DGKB: variants seen among roughly 807,000 people sequenced by gnomAD.
DGKB encodes 90 kDa diacylglycerol kinase.
Under a neutral mutation model 114.3 loss-of-function variants are expected in DGKB, and 67 were observed. That is an observed-to-expected ratio of 0.59 (90% CI 0.48 to 0.72). The LOEUF (loss-of-function observed/expected upper bound fraction) is 0.72, where lower values mean the gene tolerates loss of function less well. Ranked by LOEUF, DGKB falls within the 30% of genes least tolerant of loss-of-function variation. The pLI, the probability that DGKB is intolerant of heterozygous loss-of-function variation, is 0.00. For missense variants in DGKB, 907 were observed against 975.2 expected (o/e 0.93, Z 0.93); for synonymous variants, 398 against 323.1 (o/e 1.23, Z -2.49).
rs1043175879 is a variant in DGKB, at chr7:14,753,951, G to A, written c.148-3C>T. 3 of 1,514,084 alleles carry A rather than the reference G, an allele frequency of 2.0e-6. No individual in the cohort carries two copies. The highest frequency in any genetic ancestry group is 1.9e-5 in the Admixed American group (1 of 53,634). The allele number at this position is 1,514,084 out of a possible 1,614,324, so 93.8% of individuals were successfully genotyped here. Reference sequence around the variant, plus strand: ...ACTTGGTTAAGAATGTCTTGTTTCTGTGCATGCAAGGAAAGAAAGAATACA... The same window carrying A: ...ACTTGGTTAAGAATGTCTTGTTTCTATGCATGCAAGGAAAGAAAGAATACA... On this transcript the variant is annotated splice_polypyrimidine_tract_variant and splice_region_variant and intron_variant, in intron 3 of 25. Coordinates refer to ENST00000402815, the MANE Select transcript of DGKB (RefSeq NM_001350709.2).
chr7:14,401,952 A>C (rs1056343758), intron 21 of DGKB, among the ~76,000 whole-genome samples: 1 of 149,128 alleles, frequency 6.7e-6, no homozygotes, highest in Non-Finnish European at 1.5e-5. Context: ...AAAATAAAAC[A>C]CAATAATTTG....
chr7:14,234,143 G>C (rs528550021), intron 23 of DGKB, among the ~76,000 whole-genome samples: 1 of 152,082 alleles, frequency 6.6e-6, no homozygotes, highest in Non-Finnish European at 1.5e-5. Context: ...GAAAAAGTAA[G>C]GAACCTTGTG....
chr7:14,373,045 G>A (rs1030452633), intron 21 of DGKB, among the ~76,000 whole-genome samples: 1 of 152,166 alleles, frequency 6.6e-6, no homozygotes, highest in Non-Finnish European at 1.5e-5. Context: ...GTAATTTCAA[G>A]TCTGGAATAG....
chr7:14,312,278 T>C (rs1354401952), intron 23 of DGKB, among the ~76,000 whole-genome samples: 1 of 152,186 alleles, frequency 6.6e-6, no homozygotes, highest in Non-Finnish European at 1.5e-5. Context: ...GTTCTGCAAA[T>C]GTGGTCTTTG....
intron 2 of DGKB, 112 bp downstream of exon 2, chr7:14,841,082 A>G (rs1021526222): frequency 1.1e-6 from 1 of 919,702 alleles, no homozygotes. Flanking sequence ...CAAAAGGCAG[A>G]GCTGGATCTA....
At chr7:14,537,828 C>T (rs561273467) in intron 20 of DGKB, among the ~76,000 whole-genome samples, 1 of 152,172 alleles carries the variant, frequency 6.6e-6, no homozygotes, top group African/African-American at 2.4e-5. Context: ...CGCCTGTAAT[C>T]CCAGCACTTT....
chr7:14,777,371 T>A (rs1838356785), intron 2 of DGKB, among the ~76,000 whole-genome samples: 1 of 152,130 alleles, frequency 6.6e-6, no homozygotes, highest in Admixed American at 6.6e-5. Flanking sequence ...GGGGGCAGAA[T>A]GACATGGTTT....
chr7:14,933,880 G>C (rs185662105), intron 1 of DGKB, among the ~76,000 whole-genome samples: 1 of 151,886 alleles, frequency 6.6e-6, no homozygotes, highest in African/African-American at 2.4e-5. Flanking sequence ...ACAAAAAATT[G>C]CTTTTTTTTA....
chr7:14,780,882 C>CT (rs1190726064), intron 2 of DGKB, among the ~76,000 whole-genome samples: 1 of 152,088 alleles, frequency 6.6e-6, no homozygotes, highest in South Asian at 2.1e-4. Flanking sequence ...ACTTACTTGC[C>CT]TTTTTTTATG....
chr7:14,507,346 G>A (rs570180362), intron 20 of DGKB, among the ~76,000 whole-genome samples: 123 of 152,182 alleles, frequency 8.1e-4, no homozygotes, highest in African/African-American at 2.9e-3. Context: ...AGGGCATATT[G>A]CCAGTTTTAA....
At chr7:14,591,370 A>T (rs868008762) in intron 17 of DGKB, among the ~76,000 whole-genome samples, 5 of 152,058 alleles carry the variant, frequency 3.3e-5, no homozygotes, top group South Asian at 2.1e-4. Context: ...CATTTTATTA[A>T]TTTTTTTGAA....
intron 2 of DGKB, among the ~76,000 whole-genome samples, chr7:14,790,919 T>C (rs1840579641): frequency 6.6e-6 from 1 of 152,192 alleles, no homozygotes. Flanking sequence ...CTTTGCTATG[T>C]TTAGACTCCC....
At chr7:14,297,418 G>A (rs775143540) in intron 23 of DGKB, among the ~76,000 whole-genome samples, 42 of 152,140 alleles carry the variant, frequency 2.8e-4, no homozygotes, top group Non-Finnish European at 5.4e-4. Context: ...ATCAATAAAC[G>A]TAAACCATCA....
At chr7:14,636,834 A>G (rs1279317753) in intron 13 of DGKB, among the ~76,000 whole-genome samples, 1 of 151,918 alleles carries the variant, frequency 6.6e-6, no homozygotes, top group African/African-American at 2.4e-5. Context: ...TGAAAACACT[A>G]ATTATTTTTG....
intron 21 of DGKB, among the ~76,000 whole-genome samples, chr7:14,378,398 T>C (rs73064043): frequency 1.3e-4 from 20 of 152,310 alleles, no homozygotes; most frequent in Non-Finnish European, 2.6e-4. Context: ...TGTATCATGA[T>C]TATGTAAGAT....
At chr7:14,823,303 A>C (rs1288597166) in intron 2 of DGKB, among the ~76,000 whole-genome samples, 1 of 151,992 alleles carries the variant, frequency 6.6e-6, no homozygotes, top group Admixed American at 6.6e-5. Context: ...ACTACTTTTT[A>C]TTTCTAAAAC....
intron 13 of DGKB, among the ~76,000 whole-genome samples, chr7:14,660,625 C>T (rs1816852812): frequency 6.6e-6 from 1 of 151,586 alleles, no homozygotes; most frequent in Non-Finnish European, 1.5e-5. Context: ...CTTTATTAGT[C>T]TTGCTAGCGG....
chr7:14,203,415 A>G (rs1041589172), intron 23 of DGKB, among the ~76,000 whole-genome samples: 4 of 151,972 alleles, frequency 2.6e-5, no homozygotes, highest in African/African-American at 9.7e-5. Flanking sequence ...TGATGAATAT[A>G]TTCCAAAGCA....
chr7:14,166,367 A>T (rs1435613261), intron 25 of DGKB, among the ~76,000 whole-genome samples: 1 of 152,218 alleles, frequency 6.6e-6, no homozygotes, highest in African/African-American at 2.4e-5. Flanking sequence ...GTATGTTTTA[A>T]GATTCAAGGT....
Sources: allele counts gnomAD v4.1 joint callset (sites outside exome capture counted in the v4.1 genomes callset), GRCh38; gene constraint gnomAD v4.1.1; transcripts MANE v1.5; gene names NCBI Gene and HGNC (gene_info 2026-07-23, HGNC 2026-07-21).